POU3F1: variants seen among roughly 807,000 people sequenced by gnomAD.
POU3F1 encodes POU domain, class 3, transcription factor 1.
In POU3F1, 1 loss-of-function variant was observed where a neutral mutation model predicts 7.6. That is an observed-to-expected ratio of 0.13 (90% CI 0.05 to 0.62). The LOEUF (loss-of-function observed/expected upper bound fraction) is 0.62. POU3F1 is among the 20% of genes least tolerant of loss of function. POU3F1 has a pLI of 0.87. For missense variants in POU3F1, 505 were observed against 679.3 expected (o/e 0.74, Z 2.85); for synonymous variants, 354 against 339.0 (o/e 1.04, Z -0.49).
In POU3F1 at chr1:38,045,885, C is replaced by T. The variant is rs768016631; in HGVS notation, c.859G>A (p.Val287Met). The change falls in exon 1 of 1, where the codon GTG (valine) becomes ATG (methionine). Residue 287 changes from valine to methionine, a missense_variant. By Grantham distance (21) the Val-to-Met change is conservative. Transcript: ENST00000373012. The surrounding 1 kb of genome is among the most constrained non-coding windows in gnomAD (Gnocchi z 9.4). The stretch of plus-strand genomic sequence containing the variant: ...CGGCAGATGGTGGTCTGCGAGAACA[C>T]GTTACCGTAGAGCGTGCCCAGCGCC... ...GLALGTLYGN[V>M]FSQTTICRFE... 6.2e-7 allele frequency: 1 copy of T among 1,613,780 alleles called. No homozygotes were observed. Among genetic ancestry groups the T allele is most frequent in the Non-Finnish European group, 8.5e-7 (1 of 1,180,024 alleles).
In POU3F1 at chr1:38,046,604, C is replaced by A. The variant is rs1433274611; in HGVS notation, c.140G>T (p.Arg47Leu). Residue 47 changes from arginine to leucine, a missense_variant, in exon 1 of 1, where the codon CGC becomes CTC. Physicochemically the swap from Arg to Leu is moderately radical, Grantham distance 102. Transcript: ENST00000373012. This position sits in a 1 kb window ranked among gnomAD's most constrained non-coding sequence, Gnocchi z 9.5. ...GTGGTGCATCAGCTTCTGCACTTCG[C>A]GGTACGCGGCCCCTGCATGCAATCG... ...AERLHAGAAY[R>L]EVQKLMHHEW... 7.3e-7 allele frequency: 1 copy of A among 1,376,900 alleles called. No individual in the cohort carries two copies. The highest frequency in any genetic ancestry group is 9.4e-7 in the Non-Finnish European group (1 of 1,059,330). 85.3% of individuals were successfully genotyped at this position (1,376,900 alleles called of 1,614,324 possible). A position where few individuals can be genotyped will look rare whatever the true frequency, so the allele number is the denominator to read the frequency against.
Position 38,046,126 on chromosome 1 carries a change from C to T in POU3F1, c.618G>A (p.Pro206=). 3.1e-6 allele frequency: 4 copies of T among 1,272,766 alleles called. No homozygotes were observed. The highest frequency in any genetic ancestry group is 2.0e-6 in the Non-Finnish European group (2 of 997,292). The allele number at this position is 1,272,766 out of a possible 1,614,324, so 78.8% of individuals were successfully genotyped here. ...HEAQLEPSPP[P]HLGAHGHAHG... ...GTGCGTGTCCGTGGGCGCCCAGATG[C>T]GGCGGCGGCGACGGCTCCAGCTGCG... The change falls in exon 1 of 1, where the codon CCG becomes CCA. Residue 206 remains proline, a synonymous_variant. Coordinates refer to ENST00000373012, the MANE Select transcript of POU3F1 (RefSeq NM_002699.4). The surrounding 1 kb of genome is among the most constrained non-coding windows in gnomAD (Gnocchi z 9.5).
Position 38,046,485 on chromosome 1 carries a change from C to T in POU3F1, c.259G>A (p.Gly87Ser). 1 of 1,377,568 alleles carries T rather than the reference C, an allele frequency of 7.3e-7. No homozygotes were observed. The highest frequency in any genetic ancestry group is 9.4e-7 in the Non-Finnish European group (1 of 1,064,954). 85.3% of individuals were successfully genotyped at this position (1,377,568 alleles called of 1,614,324 possible). A position where few individuals can be genotyped will look rare whatever the true frequency, so the allele number is the denominator to read the frequency against. ...GCCTTGCCGTGTTCTAGGTGCGGGC[C>T]GCCGGCCCAATCGCCGCCGCCGCCT... is the stretch of plus-strand genomic sequence containing the variant. The part of the protein sequence containing the change: ...GGGGGGDWAG[G>S]PHLEHGKAGG... The change falls in exon 1 of 1, where the codon GGC (glycine) becomes AGC (serine). Residue 87 changes from glycine to serine, a missense_variant. Coordinates refer to ENST00000373012, the MANE Select transcript of POU3F1 (RefSeq NM_002699.4). This position sits in a 1 kb window ranked among gnomAD's most constrained non-coding sequence, Gnocchi z 9.5.
In POU3F1 at chr1:38,045,213, T is replaced by A. The variant is rs1646851298; in HGVS notation, c.*175A>T. 5.3e-6 allele frequency: 1 copy of A among 188,210 alleles called. No individual in the cohort carries two copies. Among genetic ancestry groups the A allele is most frequent in the African/African-American group, 2.4e-5 (1 of 41,848 alleles). The allele number at this position is 188,210 out of a possible 1,614,324, so 11.7% of individuals were successfully genotyped here. On this transcript the variant is annotated 3_prime_UTR_variant, in exon 1 of 1. Coordinates refer to ENST00000373012, the MANE Select transcript of POU3F1 (RefSeq NM_002699.4). The surrounding 1 kb of genome is among the most constrained non-coding windows in gnomAD (Gnocchi z 9.4). ...GCTCGGGCGACGCAGCCTACCGGGC[T>A]GTCTTCGCCGCTCACCGGAGAGGGT...
At position 38,045,961 on chromosome 1, in the gene POU3F1, C is replaced by A; in HGVS notation, c.783G>T (p.Gln261His). The A allele has an allele frequency of 6.2e-7, 1 of 1,613,054 alleles. No individual in the cohort carries two copies. Among genetic ancestry groups the A allele is most frequent in the Non-Finnish European group, 8.5e-7 (1 of 1,179,962 alleles). ...CCAGCTTGATGCGCCGCTGCTTGAA[C>A]TGCTTGGCGAACTGCTCCAGGTCGT... Reference protein sequence around the residue: ...SSDDLEQFAKQFKQRRIKLGF... With the variant: ...SSDDLEQFAKHFKQRRIKLGF... The change falls in exon 1 of 1, where the codon CAG (glutamine) becomes CAT (histidine). Residue 261 changes from glutamine (Q) to histidine (H), a missense_variant. By Grantham distance (24) the Gln-to-His change is conservative. Transcript: ENST00000373012. The surrounding 1 kb of genome is among the most constrained non-coding windows in gnomAD (Gnocchi z 9.4).
Position 38,046,578 on chromosome 1 carries a change from C to G in POU3F1, c.166G>C (p.Glu56Gln). The G allele has an allele frequency of 7.2e-7, 1 of 1,380,278 alleles. No homozygotes were observed. The highest frequency in any genetic ancestry group is 9.4e-7 in the Non-Finnish European group (1 of 1,061,976). The allele number at this position is 1,380,278 out of a possible 1,614,324, so 85.5% of individuals were successfully genotyped here. A position where few individuals can be genotyped will look rare whatever the true frequency, so the allele number is the denominator to read the frequency against. ...TGGCCCGCGCCCGCGCCCAGCCACT[C>G]GTGGTGCATCAGCTTCTGCACTTCG... ...YREVQKLMHH[E>Q]WLGAGAGHPV... The change falls in exon 1 of 1, where the codon GAG becomes CAG. Residue 56 changes from glutamate to glutamine, a missense_variant. Around this residue, in one of 5 missense-constraint regions of POU3F1, gnomAD observed 361 missense variants for 382.1 expected, o/e 0.94. Coordinates refer to ENST00000373012, the MANE Select transcript of POU3F1 (RefSeq NM_002699.4). This position sits in a 1 kb window ranked among gnomAD's most constrained non-coding sequence, Gnocchi z 9.5.
chr1:38,046,467 C>A lies in POU3F1; in HGVS notation c.277G>T (p.Gly93Cys), dbSNP rs1189406928. Residue 93 changes from glycine to cysteine, a missense_variant, in exon 1 of 1, where the codon GGC (glycine) becomes TGC (cysteine). Gly to Cys is a radical substitution (Grantham distance 159). Coordinates refer to ENST00000373012, the MANE Select transcript of POU3F1 (RefSeq NM_002699.4). The surrounding 1 kb of genome is among the most constrained non-coding windows in gnomAD (Gnocchi z 9.5). ...DWAGGPHLEH[G>C]KAGGGGTGRA... ...CCGGTGCCGCCGCCGCCTGCCTTGC[C>A]GTGTTCTAGGTGCGGGCCGCCGGCC... 2 of 1,364,374 alleles carry A rather than the reference C, an allele frequency of 1.5e-6. No homozygotes were observed. Among genetic ancestry groups the A allele is most frequent in the East Asian group, 3.3e-5 (1 of 30,742 alleles). 84.5% of individuals were successfully genotyped at this position (1,364,374 alleles called of 1,614,324 possible). A position where few individuals can be genotyped will look rare whatever the true frequency, so the allele number is the denominator to read the frequency against.
rs1204995334 is a variant in POU3F1, at chr1:38,044,572, G to A, written c.*816C>T. The A allele has an allele frequency of 1.3e-5, 2 of 148,880 alleles. No homozygotes were observed. The highest frequency in any genetic ancestry group is 4.9e-5 in the African/African-American group (2 of 40,562). The allele number at this position is 148,880 out of a possible 1,614,324, so 9.2% of individuals were successfully genotyped here. A position where few individuals can be genotyped will look rare whatever the true frequency, so the allele number is the denominator to read the frequency against. On this transcript the variant is annotated 3_prime_UTR_variant, in exon 1 of 1. Transcript: ENST00000373012. ...GCTCGGATGAAACGAAACGAAAAAT[G>A]AACACTCGAATTTTTTTTGTTAGTT...
Position 38,046,344 on chromosome 1 carries a change from C to G in POU3F1, c.400G>C (p.Ala134Pro), listed in dbSNP as rs1367377979. The part of the protein sequence containing the change: ...AGAAWAQGST[A>P]HHLGPAMSPS... ...GACATGGCCGGGCCCAAGTGGTGCG[C>G]TGTGCTGCCCTGCGCCCATGCCGCG... The change falls in exon 1 of 1, where the codon GCG (alanine) becomes CCG (proline). Residue 134 changes from alanine (A) to proline (P), a missense_variant. Coordinates refer to ENST00000373012, the MANE Select transcript of POU3F1 (RefSeq NM_002699.4). This position sits in a 1 kb window ranked among gnomAD's most constrained non-coding sequence, Gnocchi z 9.5. 8.3e-7 allele frequency: 1 copy of G among 1,209,272 alleles called. No individual in the cohort carries two copies. Among genetic ancestry groups the G allele is most frequent in the African/African-American group, 1.6e-5 (1 of 62,030 alleles). The allele number at this position is 1,209,272 out of a possible 1,614,324, so 74.9% of individuals were successfully genotyped here.
chr1:38,045,961 C>T lies in POU3F1; in HGVS notation c.783G>A (p.Gln261=). The T allele has an allele frequency of 6.2e-7, 1 of 1,613,054 alleles. No homozygotes were observed. The highest frequency in any genetic ancestry group is 8.5e-7 in the Non-Finnish European group (1 of 1,179,962). ...SSDDLEQFAK[Q]FKQRRIKLGF... ...CCAGCTTGATGCGCCGCTGCTTGAACTGCTTGGCGAACTGCTCCAGGTCGT... is the reference window on the plus strand; with the variant it reads ...CCAGCTTGATGCGCCGCTGCTTGAATTGCTTGGCGAACTGCTCCAGGTCGT... Residue 261 remains glutamine, a synonymous_variant, in exon 1 of 1, where the codon CAG becomes CAA. Coordinates refer to ENST00000373012, the MANE Select transcript of POU3F1 (RefSeq NM_002699.4). This position sits in a 1 kb window ranked among gnomAD's most constrained non-coding sequence, Gnocchi z 9.4.
rs878942304 is a variant in POU3F1 at position 38,045,327 on chromosome 1, C to A, written c.*61G>T. The A allele has an allele frequency of 1.1e-4, 70 of 636,072 alleles. 2 individuals are homozygous for A. In the South Asian group the frequency reaches 1.9e-3, roughly 17 times the overall value. The allele number at this position is 636,072 out of a possible 1,614,324, so 39.4% of individuals were successfully genotyped here. A position where few individuals can be genotyped will look rare whatever the true frequency, so the allele number is the denominator to read the frequency against. On this transcript the variant is annotated 3_prime_UTR_variant, in exon 1 of 1. Coordinates refer to ENST00000373012, the MANE Select transcript of POU3F1 (RefSeq NM_002699.4). This position sits in a 1 kb window ranked among gnomAD's most constrained non-coding sequence, Gnocchi z 9.4. ...GCAACCGAACAAAAAGAGTCCAGGC[C>A]GCGCGGGCGGGCTGCGCGCCCGCGC...
Position 38,046,764 on chromosome 1 carries a change from G to T in POU3F1, c.-21C>A. ...GCCATGCCGCCCCGCGCCCTGCGCC[G>T]CGCCGCCGCCGCCGCTCCGCTCCGT... On this transcript the variant is annotated 5_prime_UTR_variant, in exon 1 of 1. Coordinates refer to ENST00000373012, the MANE Select transcript of POU3F1 (RefSeq NM_002699.4). This position sits in a 1 kb window ranked among gnomAD's most constrained non-coding sequence, Gnocchi z 9.5. The T allele has an allele frequency of 1.0e-6, 1 of 980,812 alleles. No homozygotes were observed. Among genetic ancestry groups the T allele is most frequent in the Non-Finnish European group, 1.2e-6 (1 of 830,294 alleles). 60.8% of individuals were successfully genotyped at this position (980,812 alleles called of 1,614,324 possible).
At position 38,044,949 on chromosome 1, in the gene POU3F1, G is replaced by A. The variant is rs1646849977; in HGVS notation, c.*439C>T. 1.3e-5 allele frequency: 2 copies of A among 152,222 alleles called. No homozygotes were observed. The highest frequency in any genetic ancestry group is 6.5e-5 in the Admixed American group (1 of 15,292). The allele number at this position is 152,222 out of a possible 1,614,324, so 9.4% of individuals were successfully genotyped here. The stretch of plus-strand genomic sequence containing the variant: ...CCCCACCCTGGACCCGCAGGCTCAG[G>A]AGTCCACGCGGGGAGAGGGGATGGA... On this transcript the variant is annotated 3_prime_UTR_variant, in exon 1 of 1. Coordinates refer to ENST00000373012, the MANE Select transcript of POU3F1 (RefSeq NM_002699.4).
Position 38,046,677 on chromosome 1 carries a change from T to A in POU3F1, c.67A>T (p.Met23Leu), listed in dbSNP as rs932645163. The A allele has an allele frequency of 4.4e-5, 54 of 1,233,874 alleles. No homozygotes were observed. Among genetic ancestry groups the A allele is most frequent in the African/African-American group, 5.0e-5 (3 of 60,602 alleles). 76.4% of individuals were successfully genotyped at this position (1,233,874 alleles called of 1,614,324 possible). A position where few individuals can be genotyped will look rare whatever the true frequency, so the allele number is the denominator to read the frequency against. The part of the protein sequence containing the change: ...GGGAGGTGPL[M>L]HPDAAAAAAA... ...GCCGCCGCCGCGGCGTCCGGGTGCA[T>A]AAGCGGCCCGGTGCCCCCGGCTCCG... Residue 23 changes from methionine to leucine, a missense_variant, in exon 1 of 1, where the codon ATG becomes TTG. Met to Leu is a conservative substitution (Grantham distance 15, BLOSUM62 2). Transcript: ENST00000373012. This position sits in a 1 kb window ranked among gnomAD's most constrained non-coding sequence, Gnocchi z 9.5.
In POU3F1 at chr1:38,045,437, G is replaced by C. The variant is rs1274192072; in HGVS notation, c.1307C>G (p.Ala436Gly). ...PPSAPPPPPP[A>G]ALHHHHHHTL... ...GTGGTGGTGGTGGTGGTGCAGCGCC[G>C]CCGGCGGGGGCGGTGGGGGCGCGGA... The change falls in exon 1 of 1, where the codon GCG becomes GGG. Residue 436 changes from alanine to glycine, a missense_variant. Physicochemically the swap from Ala to Gly is moderately conservative, Grantham distance 60. Transcript: ENST00000373012. This position sits in a 1 kb window ranked among gnomAD's most constrained non-coding sequence, Gnocchi z 9.4. 6.9e-7 allele frequency: 1 copy of C among 1,439,924 alleles called. No individual in the cohort carries two copies. The highest frequency in any genetic ancestry group is 1.5e-5 in the South Asian group (1 of 67,692). The allele number at this position is 1,439,924 out of a possible 1,614,324, so 89.2% of individuals were successfully genotyped here. A position where few individuals can be genotyped will look rare whatever the true frequency, so the allele number is the denominator to read the frequency against.
Position 38,045,892 on chromosome 1 carries a change from G to A in POU3F1, c.852C>T (p.Tyr284=), listed in dbSNP as rs755796374. Reference sequence around the variant, plus strand: ...TGGTGGTCTGCGAGAACACGTTACCGTAGAGCGTGCCCAGCGCCAGCCCCA... The same window carrying A: ...TGGTGGTCTGCGAGAACACGTTACCATAGAGCGTGCCCAGCGCCAGCCCCA... ...ADVGLALGTL[Y]GNVFSQTTIC... Residue 284 remains tyrosine (Y), a synonymous_variant, in exon 1 of 1, where the codon TAC becomes TAT. Coordinates refer to ENST00000373012, the MANE Select transcript of POU3F1 (RefSeq NM_002699.4). The surrounding 1 kb of genome is among the most constrained non-coding windows in gnomAD (Gnocchi z 9.4). 1.9e-6 allele frequency: 3 copies of A among 1,613,838 alleles called. No individual in the cohort carries two copies. Among genetic ancestry groups the A allele is most frequent in the South Asian group, 2.2e-5 (2 of 91,082 alleles).
At position 38,044,961 on chromosome 1, in the gene POU3F1, G is replaced by C. The variant is rs1646850028; in HGVS notation, c.*427C>G. ...CCCGCAGGCTCAGGAGTCCACGCGGGGAGAGGGGATGGAGAACTCTCCTCG... is the reference window on the plus strand; with the variant it reads ...CCCGCAGGCTCAGGAGTCCACGCGGCGAGAGGGGATGGAGAACTCTCCTCG... On this transcript the variant is annotated 3_prime_UTR_variant, in exon 1 of 1. Coordinates refer to ENST00000373012, the MANE Select transcript of POU3F1 (RefSeq NM_002699.4). 6.6e-6 allele frequency: 1 copy of C among 152,254 alleles called. No individual in the cohort carries two copies. The highest frequency in any genetic ancestry group is 6.5e-5 in the Admixed American group (1 of 15,292). The allele number at this position is 152,254 out of a possible 1,614,324, so 9.4% of individuals were successfully genotyped here.
In POU3F1 at chr1:38,046,189, C is replaced by G. The variant is rs1313080854; in HGVS notation, c.555G>C (p.Pro185=). Residue 185 remains proline (P), a synonymous_variant, in exon 1 of 1, where the codon CCG becomes CCC. Transcript: ENST00000373012. This position sits in a 1 kb window ranked among gnomAD's most constrained non-coding sequence, Gnocchi z 9.5. ...MLAAGGGGAG[P]GLHHALHEDG... The stretch of plus-strand genomic sequence containing the variant: ...CCTCGTGCAGCGCGTGGTGCAGGCC[C>G]GGCCCCGCGCCGCCACCGCCCGCCG... 9 of 1,145,086 alleles carry G rather than the reference C, an allele frequency of 7.9e-6. No homozygotes were observed. Among genetic ancestry groups the G allele is most frequent in the Middle Eastern group, 3.6e-4 (1 of 2,740 alleles). The allele number at this position is 1,145,086 out of a possible 1,614,324, so 70.9% of individuals were successfully genotyped here.
rs41268251 is a variant in POU3F1 at position 38,044,004 on chromosome 1, G to C, written c.*1384C>G. ...ATTTAAATTCAAACCTTAACAAACAGAAGAAGAAACGGAGAAGGGGGAAGC... is the reference window on the plus strand; with the variant it reads ...ATTTAAATTCAAACCTTAACAAACACAAGAAGAAACGGAGAAGGGGGAAGC... On this transcript the variant is annotated 3_prime_UTR_variant, in exon 1 of 1. Transcript: ENST00000373012. Among the ~76,000 whole-genome samples, 893 of 151,734 alleles carry C rather than the reference G, an allele frequency of 5.9e-3. 7 individuals are homozygous for C. The highest frequency in any genetic ancestry group is 8.6e-3 in the Non-Finnish European group (585 of 67,934).
Sources: allele counts gnomAD v4.1 joint callset (sites outside exome capture counted in the v4.1 genomes callset), GRCh38; gene constraint gnomAD v4.1.1; regional missense constraint gnomAD v4.1.1; non-coding constraint Gnocchi (gnomAD v3.1); transcripts MANE v1.5; gene names NCBI Gene and HGNC (gene_info 2026-07-23, HGNC 2026-07-21).